ARIH1: variants seen among roughly 807,000 people sequenced by gnomAD.
ARIH1 encodes the protein ariadne RBR E3 ubiquitin protein ligase 1.
ARIH1 carries 8 observed loss-of-function variants against 85.0 expected under a neutral mutation model. That is an observed-to-expected ratio of 0.09 (90% CI 0.06 to 0.17). The LOEUF (loss-of-function observed/expected upper bound fraction) is 0.17, where lower values mean the gene tolerates loss of function less well. ARIH1 is among the 10% of genes least tolerant of loss of function. The pLI is 1.00. For synonymous variants in ARIH1, 238 were observed against 253.6 expected (o/e 0.94, Z 0.59); for missense variants, 311 against 718.1 (o/e 0.43, Z 6.48).
Position 72,566,311 on chromosome 15 carries a change from A to C in ARIH1, c.912-252A>C, listed in dbSNP as rs1180149936. The C allele has an allele frequency of 7.0e-6, 3 of 430,884 alleles. No individual in the cohort carries two copies. The Admixed American group carries it at 1.3e-4, about 19-fold the overall frequency. The allele number at this position is 430,884 out of a possible 1,614,324, so 26.7% of individuals were successfully genotyped here. A position where few individuals can be genotyped will look rare whatever the true frequency, so the allele number is the denominator to read the frequency against. On this transcript the variant is annotated intron_variant, in intron 7 of 13. Coordinates refer to ENST00000379887, the MANE Select transcript of ARIH1 (RefSeq NM_005744.5). ...AGGCACCTTAGCAACAATTATTATG[A>C]AATTGTCATCAAAGCGTGTCTTCAT... is the stretch of plus-strand genomic sequence containing the variant.
At chr15:72,522,891 A>G (rs765082465) in intron 2 of ARIH1, among the ~76,000 whole-genome samples, 1 of 152,222 alleles carries the variant, frequency 6.6e-6, no homozygotes, top group African/African-American at 2.4e-5. Context: ...AAATGAAAAG[A>G]TGCTCCATGT....
chr15:72,501,353 T>A (rs567122505), intron 1 of ARIH1, among the ~76,000 whole-genome samples: 1 of 152,240 alleles, frequency 6.6e-6, no homozygotes, highest in Non-Finnish European at 1.5e-5. Context: ...AATAATCTTA[T>A]GTTTGTTATT....
At chr15:72,583,105 G>A (rs1431357690) in intron 13 of ARIH1, 103 bp from the exon 14 acceptor site, 6 of 842,134 alleles carry the variant, frequency 7.1e-6, no homozygotes, top group East Asian at 2.5e-5. Context: ...GCTTGGTTCC[G>A]AGTCTGGATA....
chr15:72,550,499 C>G (rs532707609), intron 3 of ARIH1, among the ~76,000 whole-genome samples: 15 of 151,934 alleles, frequency 9.9e-5, no homozygotes, highest in Non-Finnish European at 1.8e-4. Context: ...TACAGAATAC[C>G]CCTTCCTTTA....
At chr15:72,537,385 T>C (rs913841286) in intron 2 of ARIH1, among the ~76,000 whole-genome samples, 1 of 152,184 alleles carries the variant, frequency 6.6e-6, no homozygotes, top group Non-Finnish European at 1.5e-5. Context: ...CAATCATGAT[T>C]TTTTAAAAGT....
chr15:72,484,469 T>A (rs2063829091), intron 1 of ARIH1, among the ~76,000 whole-genome samples: 1 of 151,800 alleles, frequency 6.6e-6, no homozygotes, highest in South Asian at 2.1e-4. Flanking sequence ...ATCTTAGGCT[T>A]TTGCATGCTG....
chr15:72,561,460 T>A (rs1195711810), intron 5 of ARIH1, 23 bp from the exon 6 acceptor site: 3 of 1,521,284 alleles, frequency 2.0e-6, no homozygotes, highest in Non-Finnish European at 2.7e-6. Context: ...AACTTTCTAA[T>A]CTATTTTTAT....
intron 10 of ARIH1, among the ~76,000 whole-genome samples, chr15:72,570,751 C>T (rs2064240370): frequency 6.6e-6 from 1 of 152,176 alleles, no homozygotes; most frequent in South Asian, 2.1e-4. Flanking sequence ...TAAAGCCTTG[C>T]TAAAAGGCTT....
At chr15:72,522,031 A>G (rs372326665) in intron 2 of ARIH1, among the ~76,000 whole-genome samples, 4 of 151,866 alleles carry the variant, frequency 2.6e-5, no homozygotes, top group African/African-American at 9.7e-5. Context: ...TGTTTATTCA[A>G]CAGTATCCAT....
chr15:72,537,176 A>T (rs1257472306), intron 2 of ARIH1, among the ~76,000 whole-genome samples: 3 of 152,046 alleles, frequency 2.0e-5, no homozygotes, highest in Non-Finnish European at 2.9e-5. Flanking sequence ...TCTATCCTTA[A>T]CTCCTTTAGA....
chr15:72,541,169 A>T (rs1346896965), intron 2 of ARIH1, among the ~76,000 whole-genome samples: 2 of 152,180 alleles, frequency 1.3e-5, no homozygotes, highest in East Asian at 3.9e-4. Flanking sequence ...CGAATGAGCT[A>T]CAGCTGTGAG....
intron 3 of ARIH1, among the ~76,000 whole-genome samples, chr15:72,548,776 C>T (rs1354786096): frequency 6.6e-6 from 1 of 152,204 alleles, no homozygotes; most frequent in Non-Finnish European, 1.5e-5. Flanking sequence ...CATTTTACTA[C>T]TCTCCAAGCA....
chr15:72,560,827 G>GAATTCGTTTTCTTGT (rs56159127), intron 5 of ARIH1, among the ~76,000 whole-genome samples: 2 of 151,912 alleles, frequency 1.3e-5, no homozygotes, highest in Admixed American at 1.3e-4. Flanking sequence ...TTCTCAGTGG[G>GAATTCGTTTTCTTGT]AATACACTCA....
intron 1 of ARIH1, among the ~76,000 whole-genome samples, chr15:72,516,802 G>T (rs1037854754): frequency 6.6e-6 from 1 of 152,182 alleles, no homozygotes; most frequent in Non-Finnish European, 1.5e-5. Context: ...CTTTAAATCT[G>T]TAGCTAACTA....
At chr15:72,532,653 A>ACACG (rs113180370) in intron 2 of ARIH1, among the ~76,000 whole-genome samples, 129 of 152,340 alleles carry the variant, frequency 8.5e-4, no homozygotes, top group African/African-American at 2.5e-3. Flanking sequence ...ATACATACAC[A>ACACG]CACGCACGCA....
intron 3 of ARIH1, among the ~76,000 whole-genome samples, chr15:72,551,956 A>G (rs2064154620): frequency 6.6e-6 from 1 of 152,230 alleles, no homozygotes; most frequent in Admixed American, 6.5e-5. Context: ...ATTGGCAAAG[A>G]TCAAGGAGTT....
chr15:72,567,910 A>G (rs141859887), intron 9 of ARIH1, among the ~76,000 whole-genome samples: 1 of 152,326 alleles, frequency 6.6e-6, no homozygotes, highest in Non-Finnish European at 1.5e-5. Flanking sequence ...TTTGACCCAT[A>G]GTATATAAAG....
intron 7 of ARIH1, among the ~76,000 whole-genome samples, chr15:72,565,330 T>C (rs1011067754): frequency 6.6e-6 from 1 of 152,166 alleles, no homozygotes; most frequent in Non-Finnish European, 1.5e-5. Context: ...CCTCAAGTAA[T>C]CCACCTGCCT....
Position 72,588,781 on chromosome 15 carries a change from A to G in ARIH1, c.*5489A>G, listed in dbSNP as rs906376351. The G allele has an allele frequency of 2.0e-5, 3 of 152,218 alleles. No homozygotes were observed. The highest frequency in any genetic ancestry group is 2.9e-5 in the Non-Finnish European group (2 of 68,040). The allele number at this position is 152,218 out of a possible 1,614,324, so 9.4% of individuals were successfully genotyped here. On this transcript the variant is annotated 3_prime_UTR_variant, in exon 14 of 14. Coordinates refer to ENST00000379887, the MANE Select transcript of ARIH1 (RefSeq NM_005744.5). ...AATCACAAAACTAAAAGTCTTACCA[A>G]GAAGTAGAACTGACAAGCAGCCATG...
Sources: gnomAD v4.1 joint callset for allele counts (sites outside exome capture counted in the v4.1 genomes callset) on GRCh38, gnomAD v4.1.1 for gene constraint, MANE v1.5 for transcripts, NCBI Gene and HGNC (gene_info 2026-07-23, HGNC 2026-07-21) for gene names.